RXFP1: variants seen among roughly 807,000 people sequenced by gnomAD.
RXFP1 encodes relaxin receptor 1.
In RXFP1, 73 loss-of-function variants were observed where a neutral mutation model predicts 89.8. The observed-to-expected ratio is 0.81, with a 90% CI of 0.67 to 0.99. RXFP1 has a LOEUF of 0.99. RXFP1 is among the 50% of genes least tolerant of loss of function. RXFP1 has a pLI of 0.00. For missense variants in RXFP1, 793 were observed against 895.5 expected, an observed-to-expected ratio of 0.89 and a Z score of 1.46; for synonymous variants, 277 against 305.5, an observed-to-expected ratio of 0.91 and a Z score of 0.97.
intron 1 of RXFP1, among the ~76,000 whole-genome samples, chr4:158,571,637 GGGC>G (rs1755088436): frequency 6.6e-6 from 1 of 152,020 alleles, no homozygotes; most frequent in African/African-American, 2.4e-5. Flanking sequence ...ACTCCAGCCT[GGGC>G]GACAAGAGTG....
chr4:158,571,271 A>G (rs1168260296), intron 1 of RXFP1, among the ~76,000 whole-genome samples: 1 of 152,218 alleles, frequency 6.6e-6, no homozygotes, highest in Non-Finnish European at 1.5e-5. Context: ...CAACTATCCA[A>G]TATAGAAATG....
chr4:158,572,667 C>G, intron 1 of RXFP1, 31 bp from the exon 2 acceptor site: 1 of 1,609,650 alleles, frequency 6.2e-7, no homozygotes, highest in South Asian at 1.1e-5. Context: ...TAACCACCTT[C>G]AAACTTTGTG....
intron 11 of RXFP1, among the ~76,000 whole-genome samples, chr4:158,632,299 TC>T (rs1768201522): frequency 6.6e-6 from 1 of 152,186 alleles, no homozygotes. Context: ...TTTTAAAAAC[TC>T]AGTCTAAAAA....
intron 14 of RXFP1, among the ~76,000 whole-genome samples, chr4:158,643,915 T>A (rs543215624): frequency 6.6e-6 from 1 of 152,308 alleles, no homozygotes; most frequent in South Asian, 2.1e-4. Flanking sequence ...TTTGGTCTTT[T>A]TGATAATAGC....
chr4:158,579,894 C>G (rs892807691), intron 2 of RXFP1, among the ~76,000 whole-genome samples: 6 of 152,116 alleles, frequency 3.9e-5, no homozygotes, highest in African/African-American at 7.2e-5. Flanking sequence ...GTTTTGTACT[C>G]TTTTATGTTA....
At chr4:158,549,473 G>T (rs546686767) in intron 1 of RXFP1, among the ~76,000 whole-genome samples, 1 of 152,192 alleles carries the variant, frequency 6.6e-6, no homozygotes, top group African/African-American at 2.4e-5. Context: ...TTTCCGTCCG[G>T]CTTTGTTCCG....
intron 9 of RXFP1, among the ~76,000 whole-genome samples, chr4:158,624,018 G>A (rs186664711): frequency 3.9e-5 from 6 of 152,070 alleles, no homozygotes; most frequent in Admixed American, 1.3e-4. Context: ...ACAACTCTGC[G>A]TATTTATGCT....
intron 1 of RXFP1, among the ~76,000 whole-genome samples, chr4:158,535,429 G>C (rs1745060152): frequency 6.6e-6 from 1 of 152,252 alleles, no homozygotes; most frequent in Non-Finnish European, 1.5e-5. Flanking sequence ...TCCTTAGAGA[G>C]GGCGTGGCCA....
In RXFP1 at chr4:158,593,409, A is replaced by C. The variant is rs1759923904; in HGVS notation, c.196A>C (p.Asn66His). The change falls in exon 3 of 18, where the codon AAT (asparagine) becomes CAT (histidine). Residue 66 changes from asparagine (N) to histidine (H), a missense_variant. Asn to His is a moderately conservative substitution (Grantham distance 68). Transcript: ENST00000307765. ...TCTGATTTTTATTTTAGGAGACAAC[A>C]ATGGATGGTCTCTGCAATTTGACAA... ...QADEDNCGDN[N>H]GWSLQFDKYF... is the part of the protein sequence containing the mutation. 1 of 1,606,286 alleles carries C rather than the reference A, an allele frequency of 6.2e-7. No homozygotes were observed. Among genetic ancestry groups the C allele is most frequent in the African/African-American group, 1.3e-5 (1 of 74,686 alleles).
intron 9 of RXFP1, among the ~76,000 whole-genome samples, chr4:158,624,036 A>T (rs1226716051): frequency 6.6e-6 from 1 of 152,136 alleles, no homozygotes; most frequent in African/African-American, 2.4e-5. Context: ...GCTATTATAG[A>T]TGGGTCTCTG....
chr4:158,539,328 T>C lies in RXFP1; in HGVS notation c.49+17303T>C, dbSNP rs373150048. Reference sequence around the variant, plus strand: ...GGGGAACATCACACACCGGGGACTATTGTGGAGTGGGGGGAGGGGGAAGGG... The same window carrying C: ...GGGGAACATCACACACCGGGGACTACTGTGGAGTGGGGGGAGGGGGAAGGG... On this transcript the variant is annotated intron_variant, in intron 1 of 17. Transcript: ENST00000307765. Among the ~76,000 whole-genome samples, 6 of 152,098 alleles carry C rather than the reference T, an allele frequency of 3.9e-5. No homozygotes were observed. In the East Asian group the frequency reaches 5.8e-4, roughly 15 times the overall value.
At chr4:158,559,539 C>G (rs1752000898) in intron 1 of RXFP1, among the ~76,000 whole-genome samples, 1 of 152,070 alleles carries the variant, frequency 6.6e-6, no homozygotes, top group Admixed American at 6.6e-5. Context: ...AGCTTTTTTC[C>G]CCTATACCAG....
chr4:158,563,496 GCA>G (rs145181248), intron 1 of RXFP1, among the ~76,000 whole-genome samples: 7,514 of 142,366 alleles, frequency 0.053, 293 homozygotes, highest in African/African-American at 0.12. Context: ...AGAATTCAAT[GCA>G]CACACACACA....
intron 2 of RXFP1, among the ~76,000 whole-genome samples, chr4:158,576,808 G>A (rs1756341037): frequency 6.6e-6 from 1 of 152,156 alleles, no homozygotes; most frequent in Admixed American, 6.5e-5. Flanking sequence ...TTGGCATGCT[G>A]CTGCTGTCCA....
At chr4:158,536,553 C>T (rs1209816522) in intron 1 of RXFP1, among the ~76,000 whole-genome samples, 1 of 152,126 alleles carries the variant, frequency 6.6e-6, no homozygotes, top group Non-Finnish European at 1.5e-5. Context: ...AATAAGAATA[C>T]ATTCAATCAT....
At chr4:158,573,759 C>T (rs1185053779) in intron 2 of RXFP1, among the ~76,000 whole-genome samples, 1 of 152,140 alleles carries the variant, frequency 6.6e-6, no homozygotes, top group African/African-American at 2.4e-5. Flanking sequence ...CCTAGCCTCT[C>T]TGTACCTCAG....
At chr4:158,587,380 T>G (rs1167707905) in intron 2 of RXFP1, among the ~76,000 whole-genome samples, 2 of 152,218 alleles carry the variant, frequency 1.3e-5, no homozygotes, top group Non-Finnish European at 2.9e-5. Context: ...AGTAATACCT[T>G]GATTTGCAAT....
intron 9 of RXFP1, among the ~76,000 whole-genome samples, chr4:158,623,997 A>C (rs962474284): frequency 6.6e-6 from 1 of 151,946 alleles, no homozygotes; most frequent in Non-Finnish European, 1.5e-5. Context: ...TCCTGGGGGG[A>C]AAAAACCCCA....
chr4:158,626,176 A>ATAGATAGATAGATGTAGAGAT (rs1766782875), intron 9 of RXFP1, among the ~76,000 whole-genome samples: 2 of 151,210 alleles, frequency 1.3e-5, no homozygotes, highest in Admixed American at 1.3e-4. Context: ...AGATAGATAG[A>ATAGATAGATAGATGTAGAGAT]TGTAGAGATA....
Sources: allele counts gnomAD v4.1 joint callset (sites outside exome capture counted in the v4.1 genomes callset), GRCh38; gene constraint gnomAD v4.1.1; transcripts MANE v1.5; gene names NCBI Gene and HGNC (gene_info 2026-07-23, HGNC 2026-07-21).